Variants in TRMT5 observed in about 807,000 individuals in gnomAD.
The protein encoded by TRMT5 is tRNA (guanine(37)-N(1))-methyltransferase.
Under a neutral mutation model 42.2 loss-of-function variants are expected in TRMT5, and 31 were observed. That is an observed-to-expected ratio of 0.73 (90% confidence interval 0.55 to 0.99). TRMT5 has a LOEUF of 0.99. TRMT5 is among the 50% of genes least tolerant of loss of function. TRMT5 has a pLI of 0.00. For synonymous variants in TRMT5, 198 were observed against 209.6 expected (o/e 0.94, Z 0.48); for missense variants, 568 against 595.0 (o/e 0.95, Z 0.47).
In TRMT5 at chr14:60,974,503, C is replaced by T. The variant is rs2036818130; in HGVS notation, c.*606G>A. Reference sequence around the variant, plus strand: ...GTATGTTCCAATCAAACTTTATGAACTCTGAAACTCTTAATTTCATACAAT... The same window carrying T: ...GTATGTTCCAATCAAACTTTATGAATTCTGAAACTCTTAATTTCATACAAT... On this transcript the variant is annotated 3_prime_UTR_variant, in exon 5 of 5. Coordinates refer to ENST00000261249, the MANE Select transcript of TRMT5 (RefSeq NM_020810.3). 1 of 152,240 alleles carries T rather than the reference C, an allele frequency of 6.6e-6. No homozygotes were observed. The highest frequency in any genetic ancestry group is 2.1e-4 in the South Asian group (1 of 4,832). The allele number at this position is 152,240 out of a possible 1,614,324, so 9.4% of individuals were successfully genotyped here.
upstream of TRMT5, chr14:60,981,110 G>C: frequency 6.3e-7 from 1 of 1,580,402 alleles, no homozygotes; most frequent in Non-Finnish European, 8.6e-7. Flanking sequence ...CGAAGAGGGC[G>C]CGCGTCATCA....
In TRMT5 at chr14:60,979,497, T is replaced by C; in HGVS notation, c.401A>G (p.Glu134Gly). ...GGGATCCAACATGATTAGTCTACTT[T>C]CTTTATCTTCCGGATCTTCAATCAC... The part of the protein sequence containing the change: ...RRVIEDPEDK[E>G]SRLIMLDPYK... The change falls in exon 2 of 5, where the codon GAA becomes GGA. Residue 134 changes from glutamate to glycine, a missense_variant. Physicochemically the swap from Glu to Gly is moderately conservative, Grantham distance 98. Transcript: ENST00000261249. 6.2e-7 allele frequency: 1 copy of C among 1,614,206 alleles called. No individual in the cohort carries two copies. Among genetic ancestry groups the C allele is most frequent in the Non-Finnish European group, 8.5e-7 (1 of 1,180,014 alleles).
At position 60,976,041 on chromosome 14, in the gene TRMT5, G is replaced by T. The variant is rs775442736; in HGVS notation, c.878C>A (p.Thr293Lys). 5.6e-6 allele frequency: 9 copies of T among 1,614,098 alleles called. No homozygotes were observed. The Admixed American group carries it at 1.5e-4, about 27-fold the overall frequency. ...GACATCCCCAGGTTTGAGAAGTTCT[G>T]TGATACGGCTGTGTTCTGTAGACAG... Reference protein sequence around the residue: ...PRLSTEHSRITELLKPGDVLF... With the variant: ...PRLSTEHSRIKELLKPGDVLF... Residue 293 changes from threonine (T) to lysine (K), a missense_variant, in exon 4 of 5, where the codon ACA becomes AAA. Coordinates refer to ENST00000261249, the MANE Select transcript of TRMT5 (RefSeq NM_020810.3).
In TRMT5 at chr14:60,971,721, T is replaced by C. The variant is rs1055040577; in HGVS notation, c.*3388A>G. On this transcript the variant is annotated 3_prime_UTR_variant, in exon 5 of 5. Coordinates refer to ENST00000261249, the MANE Select transcript of TRMT5 (RefSeq NM_020810.3). ...TGACTTTCAGGAAGTGAAATGAAAA[T>C]GGCAGAATTTATCCGAAGATCCATA... The C allele has an allele frequency of 1.9e-5, 3 of 160,364 alleles. No homozygotes were observed. The highest frequency in any genetic ancestry group is 4.8e-5 in the African/African-American group (2 of 41,490). 9.9% of individuals were successfully genotyped at this position (160,364 alleles called of 1,614,324 possible).
chr14:60,981,602 A>G, upstream of TRMT5: 1 of 1,491,756 alleles, frequency 6.7e-7, no homozygotes, highest in East Asian at 2.7e-5. Flanking sequence ...GAAAAGATGA[A>G]AAGCGTCGGG....
Position 60,974,098 on chromosome 14 carries a change from C to A in TRMT5, c.*1011G>T, listed in dbSNP as rs376198566. On this transcript the variant is annotated 3_prime_UTR_variant, in exon 5 of 5. Coordinates refer to ENST00000261249, the MANE Select transcript of TRMT5 (RefSeq NM_020810.3). ...TCAAAATAATTCACACCCTACTGTACTTTAAAAATAACAACAAAGTCCACT... is the reference window on the plus strand; with the variant it reads ...TCAAAATAATTCACACCCTACTGTAATTTAAAAATAACAACAAAGTCCACT... The A allele has an allele frequency of 1.3e-5, 2 of 152,194 alleles. No individual in the cohort carries two copies. Among genetic ancestry groups the A allele is most frequent in the African/African-American group, 4.8e-5 (2 of 41,432 alleles). The allele number at this position is 152,194 out of a possible 1,614,324, so 9.4% of individuals were successfully genotyped here.
At chr14:60,979,205 C>G (rs2036885535) in intron 2 of TRMT5, 26 bp downstream of exon 2, 1 of 1,523,592 alleles carries the variant, frequency 6.6e-7, no homozygotes, top group Non-Finnish European at 8.8e-7. Flanking sequence ...CCTTCAAATA[C>G]ATGAATATTA....
chr14:60,976,325 C>G (rs1411311185), intron 3 of TRMT5, among the ~76,000 whole-genome samples, 199 bp from the exon 4 acceptor site: 1 of 152,162 alleles, frequency 6.6e-6, no homozygotes, highest in Non-Finnish European at 1.5e-5. Flanking sequence ...AGTTAATATA[C>G]TGCATTAGAC....
At chr14:60,977,428 G>A (rs956534522) in intron 3 of TRMT5, 86 bp downstream of exon 3, 6 of 1,357,606 alleles carry the variant, frequency 4.4e-6, no homozygotes, top group Non-Finnish European at 6.0e-6. Flanking sequence ...AACACTGGAT[G>A]TTACAAGTAT....
At chr14:60,981,167 G>A, upstream of TRMT5, 1 of 1,535,868 alleles carries the variant, frequency 6.5e-7, no homozygotes, top group Non-Finnish European at 8.8e-7. Flanking sequence ...GTGAAGTACG[G>A]AATGCCGGAA....
Position 60,974,033 on chromosome 14 carries a change from T to C in TRMT5, c.*1076A>G, listed in dbSNP as rs2036812414. On this transcript the variant is annotated 3_prime_UTR_variant, in exon 5 of 5. Coordinates refer to ENST00000261249, the MANE Select transcript of TRMT5 (RefSeq NM_020810.3). ...TCTGGTAATGTCAATGGTTATTCTT[T>C]TAGCTTAGCTATATAGATGCTTTGT... The C allele has an allele frequency of 6.6e-6, 1 of 152,246 alleles. No individual in the cohort carries two copies. The highest frequency in any genetic ancestry group is 6.5e-5 in the Admixed American group (1 of 15,286). The allele number at this position is 152,246 out of a possible 1,614,324, so 9.4% of individuals were successfully genotyped here.
chr14:60,972,091 A>G lies in TRMT5; in HGVS notation c.*3018T>C, dbSNP rs1252775642. 2.8e-6 allele frequency: 1 copy of G among 355,192 alleles called. No homozygotes were observed. The highest frequency in any genetic ancestry group is 2.1e-5 in the African/African-American group (1 of 46,528). The allele number at this position is 355,192 out of a possible 1,614,324, so 22.0% of individuals were successfully genotyped here. ...CAGAGATATTCTATTAGTGACACAT[A>G]CCCCTTCCCCCAAAAACAACAATGA... On this transcript the variant is annotated 3_prime_UTR_variant, in exon 5 of 5. Transcript: ENST00000261249.
At chr14:60,981,457 A>C (rs1258535432), upstream of TRMT5, 1 of 1,544,692 alleles carries the variant, frequency 6.5e-7, no homozygotes, top group Admixed American at 2.0e-5. Flanking sequence ...TAAGACCCAG[A>C]AAAGGAGGAC....
At position 60,975,606 on chromosome 14, in the gene TRMT5, A is replaced by G. The variant is rs371266025; in HGVS notation, c.1313T>C (p.Val438Ala). The G allele has an allele frequency of 1.4e-5, 23 of 1,614,090 alleles. No homozygotes were observed. The highest frequency in any genetic ancestry group is 1.9e-5 in the Non-Finnish European group (23 of 1,180,040). Reference protein sequence around the residue: ...AEDVRQRAGAVLGISLEACSS... With the variant: ...AEDVRQRAGAALGISLEACSS... ...GCATGCCTCCAGAGAAATGCCTAAC[A>G]CAGCTCCAGCCCTTTGCCGAACATC... The change falls in exon 4 of 5, where the codon GTG (valine) becomes GCG (alanine). Residue 438 changes from valine to alanine, a missense_variant. Transcript: ENST00000261249.
Position 60,975,912 on chromosome 14 carries a change from A to G in TRMT5, c.1007T>C (p.Leu336Pro). Residue 336 changes from leucine to proline, a missense_variant, in exon 4 of 5, where the codon CTG becomes CCG. Leu to Pro is a moderately conservative substitution (Grantham distance 98). Coordinates refer to ENST00000261249, the MANE Select transcript of TRMT5 (RefSeq NM_020810.3). ...NDLNPESHKWLLYNCKLNKVD... is the reference protein window; with the variant it reads ...NDLNPESHKWPLYNCKLNKVD... ...TTTATTTAATTTACAGTTGTACAACAGCCATTTATGAGATTCAGGATTGAG... is the reference window on the plus strand; with the variant it reads ...TTTATTTAATTTACAGTTGTACAACGGCCATTTATGAGATTCAGGATTGAG... The G allele has an allele frequency of 6.2e-7, 1 of 1,614,184 alleles. No homozygotes were observed. Among genetic ancestry groups the G allele is most frequent in the Non-Finnish European group, 8.5e-7 (1 of 1,180,028 alleles).
chr14:60,977,632 A>G lies in TRMT5; in HGVS notation c.674T>C (p.Val225Ala). The G allele has an allele frequency of 6.3e-7, 1 of 1,598,574 alleles. No homozygotes were observed. Among genetic ancestry groups the G allele is most frequent in the Non-Finnish European group, 8.5e-7 (1 of 1,174,164 alleles). Residue 225 changes from valine (V) to alanine (A), a missense_variant, in exon 3 of 5, where the codon GTT (valine) becomes GCT (alanine). Val to Ala is a moderately conservative substitution (Grantham distance 64, BLOSUM62 0). Coordinates refer to ENST00000261249, the MANE Select transcript of TRMT5 (RefSeq NM_020810.3). ...QLPFKHLIGQVMIDKNPGITS... is the reference protein window; with the variant it reads ...QLPFKHLIGQAMIDKNPGITS... ...GATTCCTGGATTTTTGTCAATCATA[A>G]CCTGGCCTAAAAGAAAAAATGAAAA...
Position 60,975,877 on chromosome 14 carries a change from T to C in TRMT5, c.1042A>G (p.Lys348Glu). The change falls in exon 4 of 5, where the codon AAG (lysine) becomes GAG (glutamate). Residue 348 changes from lysine (K) to glutamate (E), a missense_variant. Lys to Glu is a moderately conservative substitution (Grantham distance 56). Transcript: ENST00000261249. ...CCATCCAAGTTGAAGACTTTCACCT[T>C]TTGGTCCACTTTATTTAATTTACAG... is the stretch of plus-strand genomic sequence containing the variant. The part of the protein sequence containing the change: ...YNCKLNKVDQ[K>E]VKVFNLDGKD... 1 of 1,614,234 alleles carries C rather than the reference T, an allele frequency of 6.2e-7. No homozygotes were observed. The highest frequency in any genetic ancestry group is 8.5e-7 in the Non-Finnish European group (1 of 1,180,036).
chr14:60,979,923 T>C (rs752999567), intron 1 of TRMT5, 37 bp from the exon 2 acceptor site: 2 of 1,505,900 alleles, frequency 1.3e-6, no homozygotes, highest in Non-Finnish European at 1.8e-6. Flanking sequence ...ACACGACAGC[T>C]TTTGAGAATA....
chr14:60,975,180 G>T lies in TRMT5; in HGVS notation c.1459C>A (p.Pro487Thr), dbSNP rs147405788. 6.2e-7 allele frequency: 1 copy of T among 1,605,462 alleles called. No homozygotes were observed. The highest frequency in any genetic ancestry group is 1.7e-4 in the Middle Eastern group (1 of 5,734). ...QTRNPENHEDPPLKRQRTAEA... is the reference protein window; with the variant it reads ...QTRNPENHEDTPLKRQRTAEA... ...GCCGTCCTCTGCCTTTTAAGAGGTG[G>T]ATCTTCATGATTCTCTGTAATAAAT... The change falls in exon 5 of 5, where the codon CCA becomes ACA. Residue 487 changes from proline (P) to threonine (T), a missense_variant. Coordinates refer to ENST00000261249, the MANE Select transcript of TRMT5 (RefSeq NM_020810.3).
Sources: allele counts gnomAD v4.1 joint callset (sites outside exome capture counted in the v4.1 genomes callset), GRCh38; gene constraint gnomAD v4.1.1; transcripts MANE v1.5; gene names NCBI Gene and HGNC (gene_info 2026-07-23, HGNC 2026-07-21).